The following RCL1 variants were observed in gnomAD, a reference collection of about 807,000 sequenced individuals.
RCL1 encodes RNA terminal phosphate cyclase like 1, also known as RNA 3'-terminal phosphate cyclase-like protein.
Under a neutral mutation model 42.4 loss-of-function variants are expected in RCL1, and 24 were observed. The ratio of observed to expected loss-of-function variants is 0.57; its 90% CI spans 0.41 to 0.80. RCL1 has a LOEUF of 0.80. Ranked by LOEUF, RCL1 falls within the 30% of genes least tolerant of loss-of-function variation. The probability of loss-of-function intolerance (pLI) is 0.00; values close to 1 mark genes in which losing one functional copy is unlikely to be tolerated. For synonymous variants in RCL1, 228 were observed against 177.3 expected, an observed-to-expected ratio of 1.29 and a Z score of -2.27; for missense variants, 578 against 467.9, an observed-to-expected ratio of 1.24 and a Z score of -2.17.
chr9:4,810,174 AT>A (rs905554458), intron 1 of RCL1, among the ~76,000 whole-genome samples: 1 of 152,044 alleles, frequency 6.6e-6, no homozygotes, highest in African/African-American at 2.4e-5. Context: ...TTTGTTTTTC[AT>A]TTTTTTAAGT....
chr9:4,836,842 A>T (rs1256305345), intron 5 of RCL1: 1 of 152,302 alleles, frequency 6.6e-6, no homozygotes, highest in Non-Finnish European at 1.5e-5. Context: ...TAGAAGCTCA[A>T]ACTTGGGTTG....
intron 1 of RCL1, among the ~76,000 whole-genome samples, chr9:4,821,497 G>C (rs1384431342): frequency 6.6e-6 from 1 of 152,190 alleles, no homozygotes; most frequent in Non-Finnish European, 1.5e-5. Context: ...ATTTATAAAA[G>C]AAAAGAAATT....
chr9:4,806,633 C>CTCAT (rs1815982215), intron 1 of RCL1, among the ~76,000 whole-genome samples: 1 of 140,970 alleles, frequency 7.1e-6, no homozygotes. Flanking sequence ...CACACACACA[C>CTCAT]ATATACTTAC....
At chr9:4,797,331 C>G (rs769299042) in intron 1 of RCL1, among the ~76,000 whole-genome samples, 4 of 152,200 alleles carry the variant, frequency 2.6e-5, no homozygotes, top group Non-Finnish European at 5.9e-5. Context: ...TGCTCCCTGG[C>G]ATGCCAAATC....
chr9:4,849,632 A>C, intron 8 of RCL1, 82 bp downstream of exon 8: 1 of 1,015,808 alleles, frequency 9.8e-7, no homozygotes, highest in Non-Finnish European at 1.5e-6. Flanking sequence ...GTTGTGCTGC[A>C]CAGAGCCTGC....
chr9:4,846,894 C>CTTTTTTCTTTTTTCTTTTTTTTTTTTT (rs57427254), intron 7 of RCL1, among the ~76,000 whole-genome samples: 1 of 148,606 alleles, frequency 6.7e-6, no homozygotes, highest in African/African-American at 2.5e-5. Flanking sequence ...TAATATTTTT[C>CTTTTTTCTTTTTTCTTTTTTTTTTTTT]TTTTTTTTTT....
intron 3 of RCL1, among the ~76,000 whole-genome samples, chr9:4,829,562 C>G (rs1400648380): frequency 6.6e-6 from 1 of 152,166 alleles, no homozygotes; most frequent in African/African-American, 2.4e-5. Context: ...TCTGGAGCCT[C>G]AGAGACAGGT....
intron 1 of RCL1, among the ~76,000 whole-genome samples, chr9:4,803,037 G>C: frequency 6.7e-6 from 1 of 150,236 alleles, no homozygotes; most frequent in Admixed American, 6.6e-5. Context: ...TTAAGAGTTA[G>C]GGTTCACTGT....
At chr9:4,852,422 A>G (rs1817783607) in intron 8 of RCL1, among the ~76,000 whole-genome samples, 1 of 152,202 alleles carries the variant, frequency 6.6e-6, no homozygotes, top group Admixed American at 6.5e-5. Context: ...ATGCATCTTA[A>G]TTAGCACTTT....
rs928513504 is a variant in RCL1, at chr9:4,841,305, A to G, written c.658A>G (p.Ile220Val). 4 of 1,613,272 alleles carry G rather than the reference A, an allele frequency of 2.5e-6. No individual in the cohort carries two copies. Among genetic ancestry groups the G allele is most frequent in the Admixed American group, 3.3e-5 (2 of 60,020 alleles). Residue 220 changes from isoleucine (I) to valine (V), a missense_variant, in exon 6 of 9, where the codon ATA becomes GTA. Coordinates refer to ENST00000381750, the MANE Select transcript of RCL1 (RefSeq NM_005772.5). ...TGCAAGGAGCATCCTCAACAAGTTCATACCTGATATCTATATTTACACAGA... is the reference window on the plus strand; with the variant it reads ...TGCAAGGAGCATCCTCAACAAGTTCGTACCTGATATCTATATTTACACAGA... ...DSARSILNKF[I>V]PDIYIYTDHM...
intron 8 of RCL1, chr9:4,850,303 C>CT (rs1248628035): frequency 1.9e-6 from 1 of 533,980 alleles, no homozygotes; most frequent in East Asian, 5.4e-5. Context: ...CTGAACTGTC[C>CT]TTTTTCGGTT....
intron 1 of RCL1, among the ~76,000 whole-genome samples, chr9:4,814,683 C>G (rs1300812935): frequency 6.6e-6 from 1 of 151,966 alleles, no homozygotes; most frequent in Non-Finnish European, 1.5e-5. Flanking sequence ...TGATTTTTTT[C>G]TCTTTGTCCT....
chr9:4,842,528 A>G (rs1216158976), intron 6 of RCL1, among the ~76,000 whole-genome samples: 1 of 152,240 alleles, frequency 6.6e-6, no homozygotes, highest in African/African-American at 2.4e-5. Flanking sequence ...GGCTTGGAAA[A>G]GTCAATGATG....
At chr9:4,800,706 G>A (rs1409341798) in intron 1 of RCL1, among the ~76,000 whole-genome samples, 2 of 144,266 alleles carry the variant, frequency 1.4e-5, no homozygotes, top group Admixed American at 1.4e-4. Flanking sequence ...AGGCTGGAAT[G>A]CAGTGATGTG....
At chr9:4,815,918 A>T (rs943959180) in intron 1 of RCL1, among the ~76,000 whole-genome samples, 1 of 151,914 alleles carries the variant, frequency 6.6e-6, no homozygotes, top group Non-Finnish European at 1.5e-5. Flanking sequence ...TTTGGTTCCC[A>T]GCTGATCCTG....
intron 5 of RCL1, 58 bp from the exon 6 acceptor site, chr9:4,841,174 C>T (rs745771409): frequency 6.2e-7 from 1 of 1,603,214 alleles, no homozygotes; most frequent in Admixed American, 1.7e-5. Context: ...AGCTTTATAA[C>T]TGATTTTTCT....
At chr9:4,809,814 C>A (rs891479112) in intron 1 of RCL1, among the ~76,000 whole-genome samples, 2 of 151,336 alleles carry the variant, frequency 1.3e-5, no homozygotes, top group African/African-American at 2.4e-5. Context: ...TGGGTTTTTT[C>A]TTTGCTTTTT....
At chr9:4,809,650 G>A (rs1323383821) in intron 1 of RCL1, among the ~76,000 whole-genome samples, 1 of 152,176 alleles carries the variant, frequency 6.6e-6, no homozygotes, top group African/African-American at 2.4e-5. Flanking sequence ...AATGGAATGC[G>A]AGATCGAATC....
intron 3 of RCL1, among the ~76,000 whole-genome samples, chr9:4,832,514 G>C (rs1447659225): frequency 6.6e-6 from 1 of 152,128 alleles, no homozygotes; most frequent in Non-Finnish European, 1.5e-5. Context: ...CTATAAGAAT[G>C]AGTAGGGTTC....
Sources: allele counts gnomAD v4.1 joint callset (sites outside exome capture counted in the v4.1 genomes callset), GRCh38; gene constraint gnomAD v4.1.1; transcripts MANE v1.5; gene names NCBI Gene and HGNC (gene_info 2026-07-23, HGNC 2026-07-21).